KDM2B: variants seen among roughly 807,000 people sequenced by gnomAD.
The protein encoded by KDM2B is lysine-specific demethylase 2B.
A neutral mutation model predicts 150.0 loss-of-function variants in KDM2B; 26 were observed. That is an observed-to-expected ratio of 0.17 (90% confidence interval 0.13 to 0.24). The LOEUF (loss-of-function observed/expected upper bound fraction) is 0.24. Ranked by LOEUF, KDM2B falls within the 10% of genes least tolerant of loss-of-function variation. The pLI, the probability that KDM2B is intolerant of heterozygous loss-of-function variation, is 1.00. For synonymous variants in KDM2B, 734 were observed against 729.5 expected (o/e 1.01, Z -0.10); for missense variants, 1,265 against 1,816.9 (o/e 0.70, Z 5.52).
At chr12:121,555,641 T>C (rs1335117788) in intron 4 of KDM2B, among the ~76,000 whole-genome samples, 1 of 152,148 alleles carries the variant, frequency 6.6e-6, no homozygotes, top group Non-Finnish European at 1.5e-5. Flanking sequence ...CCAAAATGTC[T>C]GAGATTATAG....
chr12:121,498,014 T>G (rs1884155580), intron 11 of KDM2B, among the ~76,000 whole-genome samples: 1 of 152,078 alleles, frequency 6.6e-6, no homozygotes, highest in Non-Finnish European at 1.5e-5. Context: ...GAGGATCACT[T>G]GAACCCAGTA....
chr12:121,449,191 G>C (rs1303068965), intron 13 of KDM2B, among the ~76,000 whole-genome samples: 1 of 151,744 alleles, frequency 6.6e-6, no homozygotes, highest in Non-Finnish European at 1.5e-5. Flanking sequence ...CAGGGGGCTT[G>C]GGGCGCATGT....
intron 4 of KDM2B, among the ~76,000 whole-genome samples, chr12:121,559,825 C>A (rs1890206288): frequency 6.6e-6 from 1 of 151,702 alleles, no homozygotes; most frequent in African/African-American, 2.4e-5. Context: ...ACTGCTTAAA[C>A]CCGGGAGGCA....
At chr12:121,552,752 T>A (rs962761174) in intron 4 of KDM2B, among the ~76,000 whole-genome samples, 4 of 151,070 alleles carry the variant, frequency 2.6e-5, no homozygotes, top group African/African-American at 4.9e-5. Context: ...AAGCAGTGGA[T>A]CCAGGGGAAA....
In KDM2B at chr12:121,468,525, G is replaced by A. The variant is rs1428483645; in HGVS notation, c.1735-15181C>T. The A allele has an allele frequency of 6.6e-6, 1 of 152,174 alleles. No individual in the cohort carries two copies. The highest frequency in any genetic ancestry group is 1.9e-4 in the East Asian group (1 of 5,204). 9.4% of individuals were successfully genotyped at this position (152,174 alleles called of 1,614,324 possible). On this transcript the variant is annotated intron_variant, in intron 12 of 22. Coordinates refer to ENST00000377071, the MANE Select transcript of KDM2B (RefSeq NM_032590.5). This position sits in a 1 kb window ranked among gnomAD's most constrained non-coding sequence, Gnocchi z 4.0. ...GTTCAGTTTCTCCATCTATACAAGG[G>A]GAAGGATTTACCAAGGGATGGATAA...
At chr12:121,578,724 ACCCAG>A in intron 2 of KDM2B, 73 bp downstream of exon 2, 2 of 1,276,400 alleles carry the variant, frequency 1.6e-6, no homozygotes, top group Non-Finnish European at 2.0e-6. Context: ...CGAAATACGA[ACCCAG>A]CCACCGGCAG....
At chr12:121,457,757 C>G (rs1379131435) in intron 12 of KDM2B, among the ~76,000 whole-genome samples, 1 of 150,882 alleles carries the variant, frequency 6.6e-6, no homozygotes, top group African/African-American at 2.4e-5. Context: ...CACACACACA[C>G]ACACACACAC....
chr12:121,489,407 C>T (rs1883119395), intron 12 of KDM2B, among the ~76,000 whole-genome samples: 1 of 151,674 alleles, frequency 6.6e-6, no homozygotes, highest in Non-Finnish European at 1.5e-5. Context: ...AGTGCTGAGA[C>T]TACAGGCGTG....
chr12:121,574,630 C>T, intron 3 of KDM2B, 37 bp from the exon 4 acceptor site: 1 of 1,598,306 alleles, frequency 6.3e-7, no homozygotes, highest in Non-Finnish European at 8.6e-7. Flanking sequence ...GGTGAGAGGC[C>T]AGAAACAACA....
At position 121,549,451 on chromosome 12, in the gene KDM2B, C is replaced by CGG. The variant is rs1889318826; in HGVS notation, c.576+7_576+8dup. 1.0e-5 allele frequency: 16 copies of CGG among 1,582,616 alleles called. No homozygotes were observed. Among genetic ancestry groups the CGG allele is most frequent in the Non-Finnish European group, 1.3e-5 (15 of 1,157,986 alleles). ...GTATCTGGGGAGGGTACCTGGGCCCCGGACCTACCACAGTCGGACGCTTGA... is the reference window on the plus strand; with the variant it reads ...GTATCTGGGGAGGGTACCTGGGCCCCGGGGACCTACCACAGTCGGACGCTTGA... On this transcript the variant is annotated intron_variant, in intron 5 of 22. Transcript: ENST00000377071. The surrounding 1 kb of genome is among the most constrained non-coding windows in gnomAD (Gnocchi z 4.4).
chr12:121,467,300 TGGCTCGGGCTCGGGCTCG>T lies in KDM2B; in HGVS notation c.1735-13974_1735-13957del, dbSNP rs782648177. On this transcript the variant is annotated intron_variant, in intron 12 of 22. Coordinates refer to ENST00000377071, the MANE Select transcript of KDM2B (RefSeq NM_032590.5). This position sits in a 1 kb window ranked among gnomAD's most constrained non-coding sequence, Gnocchi z 5.1. ...CGCCCGGAGCAGGCTCGGCTCGCCC[TGGCTCGGGCTCGGGCTCG>T]GGCTCGGGCTCCCGCTGCCGCGAGG... 2.0e-6 allele frequency: 2 copies of T among 983,484 alleles called. No individual in the cohort carries two copies. Among genetic ancestry groups the T allele is most frequent in the Admixed American group, 6.3e-5 (1 of 15,942 alleles). 60.9% of individuals were successfully genotyped at this position (983,484 alleles called of 1,614,324 possible).
intron 11 of KDM2B, among the ~76,000 whole-genome samples, chr12:121,502,594 C>A (rs1555302183): frequency 6.6e-6 from 1 of 151,544 alleles, no homozygotes; most frequent in Non-Finnish European, 1.5e-5. Flanking sequence ...GCAGTCCAGC[C>A]TGGGCAACAG....
chr12:121,514,283 G>GT (rs1210219516), intron 9 of KDM2B, among the ~76,000 whole-genome samples: 14 of 152,110 alleles, frequency 9.2e-5, no homozygotes, highest in South Asian at 4.2e-4. Flanking sequence ...GCCTGGCTGG[G>GT]TTTTTTTGTA....
At chr12:121,415,840 C>CTTTT in the KDM2B span, among the ~76,000 whole-genome samples, 1,314 of 108,034 alleles carry the variant, frequency 0.012, 38 homozygotes, top group Non-Finnish European at 0.015. Context: ...TTTGTCCAGT[C>CTTTT]TTTTTTTTTT....
intron 4 of KDM2B, among the ~76,000 whole-genome samples, chr12:121,550,052 G>A (rs1424327217): frequency 6.6e-6 from 1 of 152,116 alleles, no homozygotes; most frequent in Non-Finnish European, 1.5e-5. Context: ...GCTCATGCCT[G>A]TAATCCCAGC....
At chr12:121,464,192 C>T (rs1555294313) in intron 12 of KDM2B, among the ~76,000 whole-genome samples, 1 of 152,334 alleles carries the variant, frequency 6.6e-6, no homozygotes, top group Non-Finnish European at 1.5e-5. Context: ...ATAATCATAT[C>T]ACTGTACTCC....
intron 17 of KDM2B, 66 bp from the exon 18 acceptor site, chr12:121,443,096 C>T (rs1319329075): frequency 2.7e-6 from 4 of 1,463,568 alleles, no homozygotes; most frequent in Non-Finnish European, 3.8e-6. Context: ...CTCCTCGACA[C>T]CCCACCCCAC....
intron 2 of KDM2B, among the ~76,000 whole-genome samples, chr12:121,578,294 G>T (rs1244625280): frequency 1.3e-5 from 2 of 152,162 alleles, no homozygotes; most frequent in Admixed American, 6.5e-5. Context: ...GCCTAAGGGG[G>T]CATCGTCCCA....
At chr12:121,482,074 C>T (rs1212239438) in intron 12 of KDM2B, among the ~76,000 whole-genome samples, 3 of 152,200 alleles carry the variant, frequency 2.0e-5, no homozygotes, top group Non-Finnish European at 4.4e-5. Flanking sequence ...AGCCACCACA[C>T]CCAGCCTATC....
Sources: gnomAD v4.1 joint callset for allele counts (sites outside exome capture counted in the v4.1 genomes callset) on GRCh38, gnomAD v4.1.1 for gene constraint, Gnocchi (gnomAD v3.1) non-coding constraint, MANE v1.5 for transcripts, NCBI Gene and HGNC (gene_info 2026-07-23, HGNC 2026-07-21) for gene names.